Variants in FRMD4A observed in about 807,000 individuals in gnomAD.
The protein encoded by FRMD4A is FERM domain-containing protein 4A.
FRMD4A carries 29 observed loss-of-function variants against 129.1 expected under a neutral mutation model. That is an observed-to-expected ratio of 0.22 (90% confidence interval 0.17 to 0.31). FRMD4A has a LOEUF of 0.31. FRMD4A is among the 10% of genes least tolerant of loss of function. The pLI is 1.00. For missense variants in FRMD4A, 1,272 were observed against 1,375.8 expected, an observed-to-expected ratio of 0.92 and a Z score of 1.19; for synonymous variants, 634 against 571.6, an observed-to-expected ratio of 1.11 and a Z score of -1.56.
intron 2 of FRMD4A, among the ~76,000 whole-genome samples, chr10:13,917,895 G>C (rs948448930): frequency 6.6e-6 from 1 of 152,178 alleles, no homozygotes; most frequent in Admixed American, 6.5e-5. Context: ...CTGATAGCAC[G>C]GGGAGTATTA....
intron 12 of FRMD4A, among the ~76,000 whole-genome samples, chr10:13,721,449 T>A (rs866384761): frequency 2.4e-4 from 37 of 151,946 alleles, no homozygotes; most frequent in African/African-American, 8.7e-4. Context: ...GCCACTGCAC[T>A]CCAGCATGGA....
At chr10:13,785,249 A>G (rs1229189325) in intron 5 of FRMD4A, among the ~76,000 whole-genome samples, 1 of 152,204 alleles carries the variant, frequency 6.6e-6, no homozygotes, top group African/African-American at 2.4e-5. Flanking sequence ...TTCAGACATT[A>G]AATTTTCTCA....
intron 2 of FRMD4A, among the ~76,000 whole-genome samples, chr10:14,052,950 C>T (rs903499697): frequency 6.6e-6 from 1 of 151,898 alleles, no homozygotes; most frequent in Non-Finnish European, 1.5e-5. Flanking sequence ...CCAAGCCATG[C>T]ATGAGGGATT....
intron 12 of FRMD4A, among the ~76,000 whole-genome samples, chr10:13,713,315 G>A (rs1342274861): frequency 1.3e-5 from 2 of 152,162 alleles, no homozygotes; most frequent in African/African-American, 4.8e-5. Context: ...CACATCTTGT[G>A]ACTTCTGGTC....
In FRMD4A at chr10:13,802,003, C is replaced by CAAAAAAAAA. The variant is rs11426622; in HGVS notation, c.207-5424_207-5416dup. ...TTCATTGCCTTTGCCAATAATAATG[C>CAAAAAAAAA]AAAAAAAAAAAAAAAAAAAGCATCC... On this transcript the variant is annotated intron_variant, in intron 4 of 24. Coordinates refer to ENST00000357447, the MANE Select transcript of FRMD4A (RefSeq NM_018027.5). 4.6e-5 allele frequency among the ~76,000 whole-genome samples: 5 copies of CAAAAAAAAA among 109,510 alleles called. 1 individual carries two copies. The highest frequency in any genetic ancestry group is 3.6e-5 in the Non-Finnish European group (2 of 56,196). The allele number at this position is 109,510 out of a possible 152,430, so 71.8% of individuals were successfully genotyped here.
intron 14 of FRMD4A, among the ~76,000 whole-genome samples, chr10:13,698,335 G>C (rs1374598598): frequency 6.6e-6 from 1 of 152,180 alleles, no homozygotes; most frequent in Non-Finnish European, 1.5e-5. Context: ...TCCCAGTACA[G>C]TAGAGTGTGA....
intron 2 of FRMD4A, among the ~76,000 whole-genome samples, chr10:14,234,235 A>C (rs71489200): frequency 9.3e-6 from 1 of 107,072 alleles, no homozygotes. Flanking sequence ...AAAAAAAAAA[A>C]CCCATCAGTG....
intron 2 of FRMD4A, among the ~76,000 whole-genome samples, chr10:14,190,430 G>C (rs931835230): frequency 1.4e-4 from 22 of 152,112 alleles, no homozygotes; most frequent in Admixed American, 7.9e-4. Context: ...GGAGTGCAGT[G>C]GTGCCATCAT....
At chr10:13,931,241 C>T (rs1589311065) in intron 2 of FRMD4A, among the ~76,000 whole-genome samples, 1 of 152,070 alleles carries the variant, frequency 6.6e-6, no homozygotes, top group South Asian at 2.1e-4. Flanking sequence ...AGTGAGTTGC[C>T]CAAAGTCCCA....
chr10:14,329,156 C>G (rs1843408858), intron 2 of FRMD4A, among the ~76,000 whole-genome samples: 1 of 152,190 alleles, frequency 6.6e-6, no homozygotes, highest in African/African-American at 2.4e-5. Context: ...ATTCCGAAGA[C>G]ACAAATCAAT....
intron 15 of FRMD4A, among the ~76,000 whole-genome samples, chr10:13,687,162 G>A (rs949996486): frequency 6.6e-6 from 1 of 152,188 alleles, no homozygotes; most frequent in Non-Finnish European, 1.5e-5. Flanking sequence ...AAATGTGGTG[G>A]TGGGCAACTG....
At chr10:14,196,831 T>G (rs1449087440) in intron 2 of FRMD4A, among the ~76,000 whole-genome samples, 1 of 152,224 alleles carries the variant, frequency 6.6e-6, no homozygotes, top group African/African-American at 2.4e-5. Context: ...CCCATCTTTA[T>G]GTCCAGTCGT....
chr10:14,308,088 T>C (rs1463360965), intron 2 of FRMD4A, among the ~76,000 whole-genome samples: 1 of 152,200 alleles, frequency 6.6e-6, no homozygotes, highest in African/African-American at 2.4e-5. Context: ...GTTTGGAAGC[T>C]CAGTCTTTCA....
At chr10:13,810,967 A>T (rs77883999) in intron 3 of FRMD4A, 59 bp from the exon 4 acceptor site, 95,189 of 819,046 alleles carry the variant, frequency 0.12, 7,300 homozygotes, top group Non-Finnish European at 0.15. Context: ...TTCCTAAAAT[A>T]TGCAATCTCA....
chr10:14,018,888 TAGG>T (rs1166900234), intron 2 of FRMD4A, among the ~76,000 whole-genome samples: 1 of 152,054 alleles, frequency 6.6e-6, no homozygotes, highest in African/African-American at 2.4e-5. Context: ...ACCTGGAACT[TAGG>T]AGAAGAGTCA....
intron 2 of FRMD4A, among the ~76,000 whole-genome samples, chr10:13,986,419 T>G (rs1240507577): frequency 1.4e-5 from 2 of 146,192 alleles, no homozygotes; most frequent in Non-Finnish European, 3.0e-5. Context: ...ACGCTAAATG[T>G]TCTCACTCAT....
intron 4 of FRMD4A, among the ~76,000 whole-genome samples, chr10:13,804,801 G>C (rs543479708): frequency 6.8e-6 from 1 of 147,156 alleles, no homozygotes; most frequent in East Asian, 2.0e-4. Context: ...CTTGTGATCT[G>C]CCTACCTCGG....
chr10:14,166,523 C>G lies in FRMD4A; in HGVS notation c.45+163535G>C, dbSNP rs573786256. ...TGCTTTTTCAACAAAAGTAAAGTCACTGAAACATTTTGGAATCTAAAGTTC... is the reference window on the plus strand; with the variant it reads ...TGCTTTTTCAACAAAAGTAAAGTCAGTGAAACATTTTGGAATCTAAAGTTC... On this transcript the variant is annotated intron_variant, in intron 2 of 24. Coordinates refer to ENST00000357447, the MANE Select transcript of FRMD4A (RefSeq NM_018027.5). Among the ~76,000 whole-genome samples, 24 of 152,278 alleles carry G rather than the reference C, an allele frequency of 1.6e-4. No individual in the cohort carries two copies. The South Asian group carries it at 4.6e-3, about 29-fold the overall frequency.
At chr10:14,113,182 G>A (rs774411900) in intron 2 of FRMD4A, among the ~76,000 whole-genome samples, 3 of 152,110 alleles carry the variant, frequency 2.0e-5, no homozygotes, top group Admixed American at 6.6e-5. Context: ...TAGATACATC[G>A]TTTAAAAGTT....
Sources: gnomAD v4.1 joint callset for allele counts (sites outside exome capture counted in the v4.1 genomes callset) on GRCh38, gnomAD v4.1.1 for gene constraint, MANE v1.5 for transcripts, NCBI Gene and HGNC (gene_info 2026-07-23, HGNC 2026-07-21) for gene names.